Variants in ANO3 observed in about 807,000 individuals in gnomAD.
The protein encoded by ANO3 is anoctamin 3.
Under a neutral mutation model 144.8 loss-of-function variants are expected in ANO3, and 99 were observed. That is an observed-to-expected ratio of 0.68 (90% CI 0.58 to 0.81). The LOEUF (loss-of-function observed/expected upper bound fraction) is 0.81, where lower values mean the gene tolerates loss of function less well. ANO3 is among the 30% of genes least tolerant of loss of function. ANO3 has a pLI of 0.00. For synonymous variants in ANO3, 414 were observed against 392.6 expected (o/e 1.05, Z -0.64); for missense variants, 905 against 1,202.2 (o/e 0.75, Z 3.66).
At chr11:26,218,789 A>G (rs34713660) in intron 1 of ANO3, among the ~76,000 whole-genome samples, 45,951 of 152,066 alleles carry the variant, frequency 0.3, 7,680 homozygotes, top group Non-Finnish European at 0.37. Flanking sequence ...CCTGTAGCCC[A>G]TAACATGGCA....
At chr11:26,264,788 T>C (rs1170693788) in intron 1 of ANO3, among the ~76,000 whole-genome samples, 1 of 152,146 alleles carries the variant, frequency 6.6e-6, no homozygotes, top group Non-Finnish European at 1.5e-5. Flanking sequence ...CTAATTTTCA[T>C]TTTTTATATA....
intron 1 of ANO3, among the ~76,000 whole-genome samples, chr11:26,421,866 GT>G (rs1297710028): frequency 6.6e-6 from 1 of 152,070 alleles, no homozygotes; most frequent in Admixed American, 6.6e-5. Context: ...AATATCGCAT[GT>G]TCTCACTTTT....
At chr11:26,479,332 T>C (rs1860111655) in intron 4 of ANO3, among the ~76,000 whole-genome samples, 1 of 152,180 alleles carries the variant, frequency 6.6e-6, no homozygotes, top group Admixed American at 6.5e-5. Flanking sequence ...TTTTTAACAG[T>C]ATGTACAGAA....
intron 1 of ANO3, among the ~76,000 whole-genome samples, chr11:26,407,620 C>G (rs1857322909): frequency 1.3e-5 from 2 of 151,814 alleles, no homozygotes; most frequent in African/African-American, 4.8e-5. Context: ...TGATTTTACT[C>G]ATATCCTTTA....
chr11:26,240,945 T>C (rs921650028), intron 1 of ANO3, among the ~76,000 whole-genome samples: 1 of 152,214 alleles, frequency 6.6e-6, no homozygotes, highest in Admixed American at 6.5e-5. Context: ...GGTTTGGCTG[T>C]GTCCCCACTC....
chr11:26,452,175 C>G lies in ANO3; in HGVS notation c.313+8339C>G, dbSNP rs185144225. ...ACTGGAAACTCTAAAAAGCAGAGCA[C>G]CTCTCCTGCTCCAAAGGAATGCAGT... On this transcript the variant is annotated intron_variant, in intron 3 of 26. Coordinates refer to ENST00000256737, the MANE Select transcript of ANO3 (RefSeq NM_031418.4). 5.3e-5 allele frequency among the ~76,000 whole-genome samples: 8 copies of G among 152,310 alleles called. No homozygotes were observed. In the East Asian group the frequency reaches 1.5e-3, roughly 29 times the overall value.
intron 1 of ANO3, among the ~76,000 whole-genome samples, chr11:26,267,449 T>C (rs1236343844): frequency 1.3e-5 from 2 of 152,242 alleles, no homozygotes; most frequent in Non-Finnish European, 2.9e-5. Context: ...TATTTTTATA[T>C]GGATAATAAG....
chr11:26,606,525 G>A (rs1338800243), intron 17 of ANO3, among the ~76,000 whole-genome samples: 1 of 151,712 alleles, frequency 6.6e-6, no homozygotes, highest in Non-Finnish European at 1.5e-5. Context: ...TTGACAGTGG[G>A]GTGTTAAGGC....
chr11:26,236,522 A>G (rs1041278346), intron 1 of ANO3, among the ~76,000 whole-genome samples: 33 of 152,168 alleles, frequency 2.2e-4, no homozygotes, highest in African/African-American at 8.0e-4. Context: ...ATATTAACTC[A>G]AGAATCTAAA....
chr11:26,364,966 T>G (rs1262584932), intron 1 of ANO3, among the ~76,000 whole-genome samples: 11 of 152,142 alleles, frequency 7.2e-5, no homozygotes, highest in Non-Finnish European at 1.6e-4. Flanking sequence ...AAGTCCAAAG[T>G]CTCACCTGGA....
chr11:26,385,908 T>TATATATATATATATATTTAC (rs1310559300), intron 1 of ANO3, among the ~76,000 whole-genome samples: 1 of 149,372 alleles, frequency 6.7e-6, no homozygotes, highest in African/African-American at 2.5e-5. Flanking sequence ...TATATTTATA[T>TATATATATATATATATTTAC]ACATATTTAC....
In ANO3 at chr11:26,531,292, G is replaced by A. The variant is rs1367362488; in HGVS notation, c.825G>A (p.Glu275=). Reference sequence around the variant, plus strand: ...AGTCAGCTTTTCCAGACCTAGAGGAGTCAGACTGCTATACTGGCCCCTTCA... The same window carrying A: ...AGTCAGCTTTTCCAGACCTAGAGGAATCAGACTGCTATACTGGCCCCTTCA... ...LDKSAFPDLE[E]SDCYTGPFSR... Residue 275 remains glutamate (E), a synonymous_variant, in exon 8 of 27, where the codon GAG becomes GAA. Coordinates refer to ENST00000256737, the MANE Select transcript of ANO3 (RefSeq NM_031418.4). 3 of 1,613,848 alleles carry A rather than the reference G, an allele frequency of 1.9e-6. No homozygotes were observed. The highest frequency in any genetic ancestry group is 3.3e-5 in the Admixed American group (2 of 59,980).
chr11:26,376,109 CA>C lies in ANO3; in HGVS notation c.46+43789del, dbSNP rs1280411432. Among the ~76,000 whole-genome samples, 8 of 152,260 alleles carry C rather than the reference CA, an allele frequency of 5.3e-5. No individual in the cohort carries two copies. The East Asian group carries it at 1.2e-3, about 22-fold the overall frequency. ...TGGACTTTAAGATACGTTCAATTCA[CA>C]TTTCATCTTGAATGTCAAAGAGCAT... On this transcript the variant is annotated intron_variant, in intron 1 of 26. Coordinates refer to ENST00000256737, the MANE Select transcript of ANO3 (RefSeq NM_031418.4).
chr11:26,639,421 A>C (rs982942792), intron 21 of ANO3, among the ~76,000 whole-genome samples, 180 bp downstream of exon 21: 2 of 152,206 alleles, frequency 1.3e-5, no homozygotes, highest in African/African-American at 4.8e-5. Flanking sequence ...GCCTGTTTTC[A>C]CTAAGAATGT....
In ANO3 at chr11:26,303,697, A is replaced by C. The variant is rs577493080; in HGVS notation, c.155-5948A>C. Among the ~76,000 whole-genome samples the C allele has an allele frequency of 4.6e-5, 7 of 152,260 alleles. No individual in the cohort carries two copies. The South Asian group carries it at 1.0e-3, about 23-fold the overall frequency. On this transcript the variant is annotated intron_variant, in intron 1 of 27. Transcript: ENST00000672621. ...TACAAATGTACCACTTGAATCTAAA[A>C]TAAAAGTTGAAATTATTATTGTTAT... is the stretch of plus-strand genomic sequence containing the variant.
intron 1 of ANO3, among the ~76,000 whole-genome samples, chr11:26,340,373 C>T (rs1855324900): frequency 6.6e-6 from 1 of 152,216 alleles, no homozygotes; most frequent in South Asian, 2.1e-4. Context: ...CACTCCATCA[C>T]TACCTGATAT....
rs529584578 is a variant in ANO3, at chr11:26,636,150, T to C, written c.2043+1080T>C. Reference sequence around the variant, plus strand: ...AGGAGTTCGAGGATGCAGTGAGCCATGATCGTACCACTGCACTCCAGCTTG... The same window carrying C: ...AGGAGTTCGAGGATGCAGTGAGCCACGATCGTACCACTGCACTCCAGCTTG... On this transcript the variant is annotated intron_variant, in intron 20 of 26. Transcript: ENST00000256737. Among the ~76,000 whole-genome samples, 74 of 152,302 alleles carry C rather than the reference T, an allele frequency of 4.9e-4. No individual in the cohort carries two copies. The South Asian group carries it at 0.015, about 30-fold the overall frequency.
chr11:26,572,307 C>G (rs749166309), intron 14 of ANO3: 3 of 900,426 alleles, frequency 3.3e-6, no homozygotes, highest in Non-Finnish European at 4.0e-6. Flanking sequence ...CAACAAAAGC[C>G]CAACCCTCCA....
At chr11:26,441,363 C>T (rs986508511) in intron 1 of ANO3, among the ~76,000 whole-genome samples, 2 of 151,620 alleles carry the variant, frequency 1.3e-5, no homozygotes, top group African/African-American at 2.4e-5. Context: ...GTGATCCGCC[C>T]GCCTCGGCCT....
Sources: allele counts gnomAD v4.1 joint callset (sites outside exome capture counted in the v4.1 genomes callset), GRCh38; gene constraint gnomAD v4.1.1; transcripts MANE v1.5; gene names NCBI Gene and HGNC (gene_info 2026-07-23, HGNC 2026-07-21).